The following PRKDC variants were observed in gnomAD, a reference collection of about 807,000 sequenced individuals.
The protein encoded by PRKDC is protein kinase, DNA-activated, catalytic subunit, also known as DNA-dependent protein kinase catalytic subunit.
PRKDC carries 82 observed loss-of-function variants against 486.9 expected under a neutral mutation model. The ratio of observed to expected loss-of-function variants is 0.17; its 90% CI spans 0.14 to 0.20. The LOEUF (loss-of-function observed/expected upper bound fraction) is 0.20, where lower values mean the gene tolerates loss of function less well. Ranked by LOEUF, PRKDC falls within the 10% of genes least tolerant of loss-of-function variation. PRKDC has a pLI of 1.00. For synonymous variants in PRKDC, 1,895 were observed against 1,837.0 expected, an observed-to-expected ratio of 1.03 and a Z score of -0.81; for missense variants, 4,504 against 5,038.2, an observed-to-expected ratio of 0.89 and a Z score of 3.21.
rs770181907 is a variant in PRKDC, at chr8:47,933,933, G to A, written c.1623+32C>T. The A allele has an allele frequency of 5.7e-6, 9 of 1,586,860 alleles. No individual in the cohort carries two copies. The South Asian group carries it at 1.0e-4, about 18-fold the overall frequency. ...TATGGAGACTAATAAAGGAAGTAAG[G>A]TACATTTATGGCTTTCAATGGTAAA... On this transcript the variant is annotated intron_variant, in intron 15 of 85. Coordinates refer to ENST00000314191, the MANE Select transcript of PRKDC (RefSeq NM_006904.7).
At chr8:47,877,655 CAG>C (rs2089117223) in intron 40 of PRKDC, 67 bp downstream of exon 40, 2 of 1,370,684 alleles carry the variant, frequency 1.5e-6, no homozygotes, top group South Asian at 4.1e-5. Context: ...TTTTTTGGAA[CAG>C]AGAGGATAAT....
intron 11 of PRKDC, among the ~76,000 whole-genome samples, chr8:47,938,532 G>GA (rs2090391282): frequency 6.6e-6 from 1 of 151,952 alleles, no homozygotes; most frequent in Non-Finnish European, 1.5e-5. Context: ...TCCACTAAGA[G>GA]GAAATAACTA....
In PRKDC at chr8:47,929,896, A is replaced by T; in HGVS notation, c.2009T>A (p.Leu670His). The change falls in exon 18 of 86, where the codon CTT becomes CAT. Residue 670 changes from leucine to histidine, a missense_variant. Leu to His is a moderately conservative substitution (Grantham distance 99, BLOSUM62 -3). Coordinates refer to ENST00000314191, the MANE Select transcript of PRKDC (RefSeq NM_006904.7). ...LPLISGFYKL[L>H]SITVRNAKKI... The stretch of plus-strand genomic sequence containing the variant: ...CTTGGCATTTCTTACTGTAATAGAA[A>T]GCAATTTGTAGAAACCACTGATGAG... 1 of 1,604,456 alleles carries T rather than the reference A, an allele frequency of 6.2e-7. No individual in the cohort carries two copies. Among genetic ancestry groups the T allele is most frequent in the Non-Finnish European group, 8.5e-7 (1 of 1,177,732 alleles).
intron 18 of PRKDC, 85 bp from the exon 19 acceptor site, chr8:47,929,263 A>G: frequency 1.1e-6 from 1 of 927,030 alleles, no homozygotes; most frequent in Non-Finnish European, 1.7e-6. Context: ...CTGTCTTCAG[A>G]GGGGTGAATC....
chr8:47,797,756 T>C (rs2087011592), intron 73 of PRKDC, among the ~76,000 whole-genome samples: 1 of 152,164 alleles, frequency 6.6e-6, no homozygotes, highest in Admixed American at 6.6e-5. Flanking sequence ...GGGTGCGGGT[T>C]CCTCCCATGT....
At position 47,902,782 on chromosome 8, in the gene PRKDC, T is replaced by C. The variant is rs1394352901; in HGVS notation, c.3056A>G (p.Asp1019Gly). ...ATCTCTTAAAGTACTGTCAACAGGGTCCACAATTCCATCCTGAAACAAAAC... is the reference window on the plus strand; with the variant it reads ...ATCTCTTAAAGTACTGTCAACAGGGCCCACAATTCCATCCTGAAACAAAAC... Reference protein sequence around the residue: ...LLEAILDGIVDPVDSTLRDFC... With the variant: ...LLEAILDGIVGPVDSTLRDFC... Residue 1019 changes from aspartate (D) to glycine (G), a missense_variant, in exon 27 of 86, where the codon GAC becomes GGC. Physicochemically the swap from Asp to Gly is moderately conservative, Grantham distance 94. Around this residue, in one of 6 missense-constraint regions of PRKDC, gnomAD observed 1,969 missense variants for 2,068.9 expected, o/e 0.95. Coordinates refer to ENST00000314191, the MANE Select transcript of PRKDC (RefSeq NM_006904.7). 3 of 1,603,980 alleles carry C rather than the reference T, an allele frequency of 1.9e-6. No homozygotes were observed. Among genetic ancestry groups the C allele is most frequent in the Non-Finnish European group, 2.6e-6 (3 of 1,176,236 alleles).
At chr8:47,879,448 A>C (rs2089160591) in intron 39 of PRKDC, 43 bp downstream of exon 39, 2 of 1,475,088 alleles carry the variant, frequency 1.4e-6, no homozygotes, top group Non-Finnish European at 1.8e-6. Context: ...ACAAGAAAAA[A>C]AAAACAGTGT....
intron 70 of PRKDC, 149 bp from the exon 71 acceptor site, chr8:47,801,135 G>A (rs56255839): frequency 1.6e-5 from 12 of 766,514 alleles, no homozygotes; most frequent in Admixed American, 5.6e-5. Flanking sequence ...GCAACGACAC[G>A]ATTTTGGCTC....
chr8:47,954,971 C>T (rs1003947606), intron 4 of PRKDC, among the ~76,000 whole-genome samples: 1 of 151,480 alleles, frequency 6.6e-6, no homozygotes, highest in East Asian at 2.0e-4. Flanking sequence ...GTGACCAACA[C>T]AGTAAAACCC....
At chr8:47,825,087 G>C (rs1212610723) in intron 63 of PRKDC, among the ~76,000 whole-genome samples, 1 of 152,178 alleles carries the variant, frequency 6.6e-6, no homozygotes, top group Non-Finnish European at 1.5e-5. Context: ...GTAGGTGATG[G>C]AGCAGCAGCT....
At chr8:47,849,574 T>A in intron 52 of PRKDC, 71 bp from the exon 53 acceptor site, 1 of 1,526,476 alleles carries the variant, frequency 6.6e-7, no homozygotes, top group East Asian at 2.3e-5. Flanking sequence ...GCAAAGTTTA[T>A]CTTGAGTATT....
intron 29 of PRKDC, 41 bp from the exon 30 acceptor site, chr8:47,897,335 A>T: frequency 6.7e-7 from 1 of 1,497,264 alleles, no homozygotes; most frequent in South Asian, 1.4e-5. Context: ...CCTCTCCAAC[A>T]TGCAACATTC....
chr8:47,861,423 G>A (rs1422657689), intron 44 of PRKDC, among the ~76,000 whole-genome samples: 1 of 152,172 alleles, frequency 6.6e-6, no homozygotes, highest in Non-Finnish European at 1.5e-5. Flanking sequence ...CATATGCCTA[G>A]AAAACAATCC....
At chr8:47,859,581 A>G (rs1200393147) in intron 46 of PRKDC, 30 bp downstream of exon 46, 1 of 1,603,182 alleles carries the variant, frequency 6.2e-7, no homozygotes, top group Non-Finnish European at 8.5e-7. Context: ...AACATCGACA[A>G]TATTCTTTTA....
At chr8:47,868,265 AAATATTTT>A (rs1282398950) in intron 40 of PRKDC, among the ~76,000 whole-genome samples, 60 of 152,216 alleles carry the variant, frequency 3.9e-4, no homozygotes, top group Admixed American at 1.1e-3. Flanking sequence ...ATTTCTTTTT[AAATATTTT>A]AATTCCGGGT....
chr8:47,841,312 G>C (rs2088137483), intron 54 of PRKDC, among the ~76,000 whole-genome samples: 1 of 152,126 alleles, frequency 6.6e-6, no homozygotes, highest in Admixed American at 6.5e-5. Flanking sequence ...TTCTCACCTT[G>C]CTCTGAGTCA....
At chr8:47,940,583 T>C (rs746286421) in intron 10 of PRKDC, among the ~76,000 whole-genome samples, 1 of 152,222 alleles carries the variant, frequency 6.6e-6, no homozygotes, top group African/African-American at 2.4e-5. Flanking sequence ...CATAATTTCC[T>C]TCTTCACAAA....
intron 61 of PRKDC, among the ~76,000 whole-genome samples, chr8:47,828,669 A>G (rs998236070): frequency 6.6e-5 from 10 of 152,208 alleles, no homozygotes; most frequent in African/African-American, 2.2e-4. Flanking sequence ...GGCTACCAGA[A>G]CACATCACAT....
chr8:47,807,569 C>T (rs982483917), intron 68 of PRKDC, among the ~76,000 whole-genome samples: 2 of 151,280 alleles, frequency 1.3e-5, no homozygotes, highest in South Asian at 4.2e-4. Flanking sequence ...CAGGCGCCTG[C>T]CACTACACCC....
Sources: gnomAD v4.1 joint callset for allele counts (sites outside exome capture counted in the v4.1 genomes callset) on GRCh38, gnomAD v4.1.1 for gene constraint, gnomAD v4.1.1 regional missense constraint, MANE v1.5 for transcripts, NCBI Gene and HGNC (gene_info 2026-07-23, HGNC 2026-07-21) for gene names.